Variants in NCKAP5 observed in about 807,000 individuals in gnomAD.
NCKAP5 encodes nck-associated protein 5.
NCKAP5 carries 92 observed loss-of-function variants against 167.0 expected under a neutral mutation model. The ratio of observed to expected loss-of-function variants is 0.55; its 90% CI spans 0.47 to 0.66. NCKAP5 has a LOEUF of 0.66. NCKAP5 is among the 30% of genes least tolerant of loss of function. The pLI, the probability that NCKAP5 is intolerant of heterozygous loss-of-function variation, is 0.00. For missense variants in NCKAP5, 2,378 were observed against 2,315.0 expected (o/e 1.03, Z -0.56); for synonymous variants, 891 against 877.4 (o/e 1.02, Z -0.27).
rs139767154 is a variant in NCKAP5 at position 132,725,832 on chromosome 2, C to T, written c.5581-73G>A. 244 of 1,459,462 alleles carry T rather than the reference C, an allele frequency of 1.7e-4. 3 individuals are homozygous for T. In the East Asian group the frequency reaches 4.5e-3, roughly 27 times the overall value. 90.4% of individuals were successfully genotyped at this position (1,459,462 alleles called of 1,614,324 possible). On this transcript the variant is annotated intron_variant, in intron 18 of 19. Coordinates refer to ENST00000409261, the MANE Select transcript of NCKAP5 (RefSeq NM_207363.3). ...TGAGGCAGAGCATCCTGTGAGGATGCGACACAGTTCACATCTGGCTGTCAA... is the reference window on the plus strand; with the variant it reads ...TGAGGCAGAGCATCCTGTGAGGATGTGACACAGTTCACATCTGGCTGTCAA...
At chr2:133,409,415 G>A (rs1327065029) in intron 3 of NCKAP5, among the ~76,000 whole-genome samples, 2 of 152,172 alleles carry the variant, frequency 1.3e-5, no homozygotes, top group African/African-American at 2.4e-5. Context: ...AAAACTCTTT[G>A]TAGCAATGCC....
At chr2:133,058,373 A>C (rs2149507092) in intron 6 of NCKAP5, among the ~76,000 whole-genome samples, 1 of 152,270 alleles carries the variant, frequency 6.6e-6, no homozygotes, top group South Asian at 2.1e-4. Context: ...TAAATTGAAA[A>C]CCTTCTGGAA....
chr2:133,461,249 C>T (rs1374174491), intron 3 of NCKAP5, among the ~76,000 whole-genome samples: 1 of 152,018 alleles, frequency 6.6e-6, no homozygotes, highest in Non-Finnish European at 1.5e-5. Context: ...TAACTTTTTC[C>T]ATTCATTTTC....
chr2:133,056,525 A>G (rs1356007929), intron 6 of NCKAP5, among the ~76,000 whole-genome samples: 1 of 152,104 alleles, frequency 6.6e-6, no homozygotes, highest in East Asian at 1.9e-4. Flanking sequence ...GTCTTCACTA[A>G]TTTTCATTTT....
intron 5 of NCKAP5, among the ~76,000 whole-genome samples, chr2:133,190,992 G>A (rs1359943878): frequency 2.6e-5 from 4 of 152,070 alleles, no homozygotes; most frequent in African/African-American, 7.2e-5. Context: ...GCAACCTGCA[G>A]AATGGGAGAA....
At chr2:132,949,407 G>C (rs2076113533) in intron 8 of NCKAP5, among the ~76,000 whole-genome samples, 1 of 152,076 alleles carries the variant, frequency 6.6e-6, no homozygotes, top group African/African-American at 2.4e-5. Flanking sequence ...CACATGAAGG[G>C]CCCCTGTGCC....
intron 3 of NCKAP5, among the ~76,000 whole-genome samples, chr2:133,496,798 C>G (rs1321392656): frequency 1.3e-5 from 2 of 152,108 alleles, no homozygotes; most frequent in African/African-American, 2.4e-5. Flanking sequence ...ACTTGACCAC[C>G]TATGAGAGCC....
chr2:133,641,961 G>A, the NCKAP5 span, among the ~76,000 whole-genome samples: 2 of 152,132 alleles, frequency 1.3e-5, no homozygotes, highest in Non-Finnish European at 2.9e-5. Flanking sequence ...CTTAGGCTGG[G>A]TAGTTTATTG....
chr2:133,460,512 TAAA>T (rs1692136974), intron 3 of NCKAP5, among the ~76,000 whole-genome samples: 1 of 152,048 alleles, frequency 6.6e-6, no homozygotes, highest in Admixed American at 6.5e-5. Context: ...CAACTTTAAA[TAAA>T]ATTAAAATTT....
chr2:133,369,982 C>T (rs1486776499), intron 3 of NCKAP5, among the ~76,000 whole-genome samples: 1 of 152,172 alleles, frequency 6.6e-6, no homozygotes, highest in Non-Finnish European at 1.5e-5. Context: ...GCCTCTGAAC[C>T]TTTAAACAGA....
chr2:133,332,443 A>G (rs1454481046), intron 3 of NCKAP5, among the ~76,000 whole-genome samples: 1 of 152,118 alleles, frequency 6.6e-6, no homozygotes, highest in Non-Finnish European at 1.5e-5. Context: ...AAAAAACCCC[A>G]CAAAATTTTC....
At chr2:132,863,433 A>G (rs1307490250) in intron 10 of NCKAP5, among the ~76,000 whole-genome samples, 1 of 145,088 alleles carries the variant, frequency 6.9e-6, no homozygotes, top group Non-Finnish European at 1.5e-5. Context: ...ACCTTGAAAG[A>G]GTTCTTCAGA....
chr2:133,588,298 C>T, the NCKAP5 span, among the ~76,000 whole-genome samples: 1 of 119,416 alleles, frequency 8.4e-6, no homozygotes, highest in Non-Finnish European at 1.7e-5. Flanking sequence ...TACCTCTCGT[C>T]TTCTCTCCCT....
chr2:132,836,981 TTA>T (rs1171419320), intron 11 of NCKAP5, among the ~76,000 whole-genome samples: 3 of 152,218 alleles, frequency 2.0e-5, no homozygotes, highest in Non-Finnish European at 4.4e-5. Context: ...CTTTTGTTGG[TTA>T]TGAGTGCTTG....
chr2:133,565,802 C>T (rs907153117), intron 1 of NCKAP5, among the ~76,000 whole-genome samples: 2 of 152,230 alleles, frequency 1.3e-5, no homozygotes. Context: ...ATTTTGCCAA[C>T]CAAGTCCTGA....
intron 3 of NCKAP5, among the ~76,000 whole-genome samples, chr2:133,337,108 C>CA (rs1383911436): frequency 6.6e-6 from 1 of 152,172 alleles, no homozygotes; most frequent in African/African-American, 2.4e-5. Flanking sequence ...TCTGATCCCC[C>CA]ACTCTTCATT....
At chr2:133,640,517 A>G in the NCKAP5 span, among the ~76,000 whole-genome samples, 1 of 152,188 alleles carries the variant, frequency 6.6e-6, no homozygotes, top group African/African-American at 2.4e-5. Flanking sequence ...TCTCCTTTTA[A>G]ATAACGAAGC....
chr2:133,469,245 T>G (rs953899912), intron 3 of NCKAP5, among the ~76,000 whole-genome samples: 1 of 152,098 alleles, frequency 6.6e-6, no homozygotes, highest in Admixed American at 6.6e-5. Flanking sequence ...GTCTGTAAAG[T>G]ATTTTATTTC....
intron 5 of NCKAP5, among the ~76,000 whole-genome samples, chr2:133,154,471 T>C (rs1428199251): frequency 2.6e-5 from 4 of 152,244 alleles, no homozygotes; most frequent in African/African-American, 4.8e-5. Flanking sequence ...CAGCAACCCA[T>C]GTGAGCTGAA....
Sources: gnomAD v4.1 joint callset for allele counts (sites outside exome capture counted in the v4.1 genomes callset) on GRCh38, gnomAD v4.1.1 for gene constraint, MANE v1.5 for transcripts, NCBI Gene and HGNC (gene_info 2026-07-23, HGNC 2026-07-21) for gene names.